Variants in ALKBH2 observed in about 807,000 individuals in gnomAD.
The protein encoded by ALKBH2 is DNA oxidative demethylase ALKBH2.
A neutral mutation model predicts 19.7 loss-of-function variants in ALKBH2; 19 were observed. That is an observed-to-expected ratio of 0.97 (90% CI 0.67 to 1.42). The LOEUF is 1.42. Ranked by LOEUF, ALKBH2 falls within the 40% of genes most tolerant of loss-of-function variation. The pLI is 0.00. For missense variants in ALKBH2, 310 were observed against 328.5 expected, an observed-to-expected ratio of 0.94 and a Z score of 0.43; for synonymous variants, 135 against 131.2, an observed-to-expected ratio of 1.03 and a Z score of -0.20.
At position 109,092,776 on chromosome 12, in the gene ALKBH2, A is replaced by T; in HGVS notation, c.11T>A (p.Phe4Tyr). 6.2e-7 allele frequency: 1 copy of T among 1,612,846 alleles called. No homozygotes were observed. Among genetic ancestry groups the T allele is most frequent in the South Asian group, 1.1e-5 (1 of 90,976 alleles). MDR[F>Y]LVKGAQGGLL... ...GCCCCCTTGAGCCCCTTTCACCAGG[A>T]ATCTGTCCATCCTGTCCCCACAGGA... Residue 4 changes from phenylalanine to tyrosine, a missense_variant, in exon 2 of 4, where the codon TTC (phenylalanine) becomes TAC (tyrosine). By Grantham distance (22) the Phe-to-Tyr change is conservative (BLOSUM62 3). Coordinates refer to ENST00000429722, the MANE Select transcript of ALKBH2 (RefSeq NM_001145374.2).
chr12:109,089,387 C>T (rs1267354259), intron 3 of ALKBH2, among the ~76,000 whole-genome samples: 2 of 152,142 alleles, frequency 1.3e-5, no homozygotes, highest in Non-Finnish European at 2.9e-5. Context: ...GGTGATTCTG[C>T]CCCAGGGGAC....
Position 109,088,336 on chromosome 12 carries a change from G to A in ALKBH2, c.656C>T (p.Ala219Val), listed in dbSNP as rs748886887. ...GTTCATCATTAGTAAGCTCCCGTGG[G>A]CCAGCGGCAGCCTGACCACCGCCAC... ...RRVAVVRLPLAHGSLLMMNHP... is the reference protein window; with the variant it reads ...RRVAVVRLPLVHGSLLMMNHP... The change falls in exon 4 of 4, where the codon GCC becomes GTC. Residue 219 changes from alanine to valine, a missense_variant. Ala to Val is a moderately conservative substitution (Grantham distance 64). Transcript: ENST00000429722. This position sits in a 1 kb window ranked among gnomAD's most constrained non-coding sequence, Gnocchi z 4.2. 1.9e-6 allele frequency: 3 copies of A among 1,613,928 alleles called. No homozygotes were observed. The highest frequency in any genetic ancestry group is 2.2e-5 in the South Asian group (2 of 91,062).
intron 3 of ALKBH2, among the ~76,000 whole-genome samples, chr12:109,089,199 C>T (rs149186409): frequency 1.1e-3 from 170 of 152,312 alleles, no homozygotes; most frequent in African/African-American, 3.8e-3. Context: ...CACTGCTTTC[C>T]GGCCATCCTG....
Position 109,088,716 on chromosome 12 carries a change from CTTAT to C in ALKBH2, c.480-208_480-205del, listed in dbSNP as rs1045051458. 5.3e-5 allele frequency among the ~76,000 whole-genome samples: 8 copies of C among 152,058 alleles called. No individual in the cohort carries two copies. Among genetic ancestry groups the C allele is most frequent in the African/African-American group, 1.9e-4 (8 of 41,392 alleles). On this transcript the variant is annotated intron_variant, in intron 3 of 3. Coordinates refer to ENST00000429722, the MANE Select transcript of ALKBH2 (RefSeq NM_001145374.2). The surrounding 1 kb of genome is among the most constrained non-coding windows in gnomAD (Gnocchi z 4.2). The stretch of plus-strand genomic sequence containing the variant: ...TCTGTTGACGTATTTGTTCATGTGA[CTTAT>C]TTATTATTATTTTTGAGAGGGTCTC...
chr12:109,088,679 A>G lies in ALKBH2; in HGVS notation c.480-167T>C, dbSNP rs530045950. On this transcript the variant is annotated intron_variant, in intron 3 of 3. Coordinates refer to ENST00000429722, the MANE Select transcript of ALKBH2 (RefSeq NM_001145374.2). This position sits in a 1 kb window ranked among gnomAD's most constrained non-coding sequence, Gnocchi z 4.2. ...CCACAGTGGGCTCTAAGATAAGCCAACGCTGAAGAGGTCTGTTGACGTATT... is the reference window on the plus strand; with the variant it reads ...CCACAGTGGGCTCTAAGATAAGCCAGCGCTGAAGAGGTCTGTTGACGTATT... Among the ~76,000 whole-genome samples the G allele has an allele frequency of 6.6e-6, 1 of 152,280 alleles. No individual in the cohort carries two copies. Among genetic ancestry groups the G allele is most frequent in the African/African-American group, 2.4e-5 (1 of 41,548 alleles).
At chr12:109,091,191 A>G (rs1435807013) in intron 2 of ALKBH2, among the ~76,000 whole-genome samples, 2 of 152,182 alleles carry the variant, frequency 1.3e-5, no homozygotes, top group African/African-American at 2.4e-5. Context: ...CAGGAGTTCA[A>G]TTAACAGCCT....
At position 109,092,167 on chromosome 12, in the gene ALKBH2, G is replaced by A. The variant is rs143051844; in HGVS notation, c.280+340C>T. ...ACAAACAAGTGGTCAGCCTGCACTCGGAGCGATTCTGATTGAAGTGCTCTG... is the reference window on the plus strand; with the variant it reads ...ACAAACAAGTGGTCAGCCTGCACTCAGAGCGATTCTGATTGAAGTGCTCTG... On this transcript the variant is annotated intron_variant, in intron 2 of 3. Transcript: ENST00000429722. 2.6e-3 allele frequency: 521 copies of A among 199,284 alleles called. 2 individuals are homozygous for A. Among genetic ancestry groups the A allele is most frequent in the African/African-American group, 0.011 (476 of 43,398 alleles). 12.3% of individuals were successfully genotyped at this position (199,284 alleles called of 1,614,324 possible).
intron 2 of ALKBH2, among the ~76,000 whole-genome samples, chr12:109,090,777 G>C (rs892745695): frequency 1.3e-5 from 2 of 152,212 alleles, no homozygotes; most frequent in Non-Finnish European, 2.9e-5. Flanking sequence ...CTGGGCTCAA[G>C]TGGTCCGCCC....
At position 109,090,163 on chromosome 12, in the gene ALKBH2, G is replaced by A; in HGVS notation, c.325C>T (p.Pro109Ser). Reference protein sequence around the residue: ...VQVFGKWHSVPRKQATYGDAG... With the variant: ...VQVFGKWHSVSRKQATYGDAG... ...TCGCCATACGTTGCCTGCTTCCTGG[G>A]CACACTGTGCCACTTCCCGAATACC... The change falls in exon 3 of 4, where the codon CCC (proline) becomes TCC (serine). Residue 109 changes from proline (P) to serine (S), a missense_variant. Pro to Ser is a moderately conservative substitution (Grantham distance 74). Transcript: ENST00000429722. The A allele has an allele frequency of 6.2e-7, 1 of 1,614,080 alleles. No individual in the cohort carries two copies.
intron 3 of ALKBH2, 112 bp downstream of exon 3, chr12:109,089,897 G>A: frequency 2.6e-6 from 3 of 1,150,386 alleles, no homozygotes; most frequent in Non-Finnish European, 3.8e-6. Context: ...TAGAGCCCCA[G>A]TGTACTAAGA....
rs901751841 is a variant in ALKBH2 at position 109,088,623 on chromosome 12, A to C, written c.480-111T>G. On this transcript the variant is annotated intron_variant, in intron 3 of 3. Coordinates refer to ENST00000429722, the MANE Select transcript of ALKBH2 (RefSeq NM_001145374.2). This position sits in a 1 kb window ranked among gnomAD's most constrained non-coding sequence, Gnocchi z 4.2. ...GTGAAACAGCACTCTGCATGGCTGT[A>C]CCTGCCGTTGTTTCTGCGAGGGCTT... The C allele has an allele frequency of 2.6e-4, 263 of 1,024,976 alleles. No homozygotes were observed. Among genetic ancestry groups the C allele is most frequent in the Admixed American group, 8.8e-4 (31 of 35,040 alleles). 63.5% of individuals were successfully genotyped at this position (1,024,976 alleles called of 1,614,324 possible).
rs777900283 is a variant in ALKBH2 at position 109,092,783 on chromosome 12, C to A, written c.4G>T (p.Asp2Tyr). 6.2e-7 allele frequency: 1 copy of A among 1,609,980 alleles called. No homozygotes were observed. ...TGAGCCCCTTTCACCAGGAATCTGT[C>A]CATCCTGTCCCCACAGGAAAGAAGG... M[D>Y]RFLVKGAQGG... Residue 2 changes from aspartate to tyrosine, a missense_variant, in exon 2 of 4, where the codon GAC (aspartate) becomes TAC (tyrosine). Asp to Tyr is a radical substitution (Grantham distance 160). Coordinates refer to ENST00000429722, the MANE Select transcript of ALKBH2 (RefSeq NM_001145374.2).
rs566764722 is a variant in ALKBH2 at position 109,092,868 on chromosome 12, T to C, written c.-82A>G. ...AAGTTCTATCCCCAGTGCAAAAATC[T>C]GTTTGTCCAAGGGGTCTCACAGCAA... On this transcript the variant is annotated 5_prime_UTR_variant, in exon 2 of 4. Transcript: ENST00000429722. 1.9e-4 allele frequency: 293 copies of C among 1,520,950 alleles called. 1 individual carries two copies. The South Asian group carries it at 3.7e-3, about 19-fold the overall frequency. 94.2% of individuals were successfully genotyped at this position (1,520,950 alleles called of 1,614,324 possible).
rs952166933 is a variant in ALKBH2 at position 109,089,487 on chromosome 12, A to G, written c.479+522T>C. On this transcript the variant is annotated intron_variant, in intron 3 of 3. Transcript: ENST00000429722. ...ATCCTGCAAGGCACAGGTCAGCCCC[A>G]ACAACAACGAATGACTGGGCCCAAA... 1.1e-5 allele frequency: 2 copies of G among 178,442 alleles called. 1 individual carries two copies. The highest frequency in any genetic ancestry group is 1.1e-4 in the Admixed American group (2 of 18,540). The allele number at this position is 178,442 out of a possible 1,614,324, so 11.1% of individuals were successfully genotyped here.
In ALKBH2 at chr12:109,093,380, G is replaced by C. The variant is rs923095974; in HGVS notation, c.-285C>G. 22 of 152,452 alleles carry C rather than the reference G, an allele frequency of 1.4e-4. No individual in the cohort carries two copies. Among genetic ancestry groups the C allele is most frequent in the African/African-American group, 5.3e-4 (22 of 41,456 alleles). 9.4% of individuals were successfully genotyped at this position (152,452 alleles called of 1,614,324 possible). A position where few individuals can be genotyped will look rare whatever the true frequency, so the allele number is the denominator to read the frequency against. ...ATTCTGATATCACTGCAACACGTCC[G>C]TGGGGTGGGGGTGGCAAGAGTGCTC... On this transcript the variant is annotated 5_prime_UTR_variant, in exon 1 of 4. Transcript: ENST00000429722.
chr12:109,091,694 C>T (rs763920611), intron 2 of ALKBH2, among the ~76,000 whole-genome samples: 3 of 138,782 alleles, frequency 2.2e-5, no homozygotes, highest in African/African-American at 4.9e-5. Context: ...TGCACCACTA[C>T]GCACAGCTCA....
chr12:109,088,745 C>T lies in ALKBH2; in HGVS notation c.480-233G>A, dbSNP rs569817344. On this transcript the variant is annotated intron_variant, in intron 3 of 3. Coordinates refer to ENST00000429722, the MANE Select transcript of ALKBH2 (RefSeq NM_001145374.2). This position sits in a 1 kb window ranked among gnomAD's most constrained non-coding sequence, Gnocchi z 4.2. ...TTTATTATTATTTTTGAGAGGGTCT[C>T]GCTCTGTCACCCAGGCTGAAGTGCA... is the stretch of plus-strand genomic sequence containing the variant. 4.6e-5 allele frequency among the ~76,000 whole-genome samples: 7 copies of T among 152,262 alleles called. No homozygotes were observed. Among genetic ancestry groups the T allele is most frequent in the Non-Finnish European group, 7.4e-5 (5 of 68,026 alleles).
chr12:109,091,190 A>G (rs1419961655), intron 2 of ALKBH2, among the ~76,000 whole-genome samples: 2 of 152,248 alleles, frequency 1.3e-5, no homozygotes, highest in East Asian at 3.9e-4. Flanking sequence ...CCAGGAGTTC[A>G]ATTAACAGCC....
intron 3 of ALKBH2, among the ~76,000 whole-genome samples, chr12:109,089,443 G>A (rs962145164): frequency 5.9e-5 from 9 of 152,180 alleles, no homozygotes; most frequent in African/African-American, 2.2e-4. Flanking sequence ...AGTGGATGGA[G>A]GCCAGGGATC....
Sources: gnomAD v4.1 joint callset for allele counts (sites outside exome capture counted in the v4.1 genomes callset) on GRCh38, gnomAD v4.1.1 for gene constraint, Gnocchi (gnomAD v3.1) non-coding constraint, MANE v1.5 for transcripts, NCBI Gene and HGNC (gene_info 2026-07-23, HGNC 2026-07-21) for gene names.